The following LYPD6 variants were observed in gnomAD, a reference collection of about 807,000 sequenced individuals.
The protein encoded by LYPD6 is LY6/PLAUR domain containing 6.
Under a neutral mutation model 22.7 loss-of-function variants are expected in LYPD6, and 15 were observed. The observed-to-expected ratio is 0.66, with a 90% CI of 0.44 to 1.02. LYPD6 has a LOEUF of 1.02. LYPD6 is among the 50% of genes least tolerant of loss of function. The pLI is 0.00. For missense variants in LYPD6, 189 were observed against 208.4 expected (o/e 0.91, Z 0.57); for synonymous variants, 72 against 77.5 (o/e 0.93, Z 0.37).
chr2:149,382,059 A>G (rs1482279028), intron 1 of LYPD6, among the ~76,000 whole-genome samples: 1 of 152,162 alleles, frequency 6.6e-6, no homozygotes, highest in Admixed American at 6.5e-5. Flanking sequence ...TTTTTCAGTT[A>G]TAGTCCAGTG....
chr2:149,392,792 G>T (rs1375165221), intron 1 of LYPD6, among the ~76,000 whole-genome samples: 1 of 152,146 alleles, frequency 6.6e-6, no homozygotes, highest in Non-Finnish European at 1.5e-5. Context: ...TTGGGAGGCT[G>T]AGGCGGCCGG....
chr2:149,335,976 T>G (rs1681027305), intron 1 of LYPD6, among the ~76,000 whole-genome samples: 1 of 152,224 alleles, frequency 6.6e-6, no homozygotes, highest in Non-Finnish European at 1.5e-5. Flanking sequence ...GATGGCTCTC[T>G]CAGAACATAT....
At chr2:149,417,095 G>A (rs548016113) in intron 1 of LYPD6, among the ~76,000 whole-genome samples, 1 of 152,282 alleles carries the variant, frequency 6.6e-6, no homozygotes, top group East Asian at 1.9e-4. Context: ...ATAGAACCCA[G>A]CTCATGATGG....
intron 1 of LYPD6, among the ~76,000 whole-genome samples, chr2:149,423,363 C>T (rs375375810): frequency 6.6e-6 from 1 of 152,104 alleles, no homozygotes. Context: ...AATACATTTC[C>T]AGTTCGTGAT....
chr2:149,387,654 A>G (rs1432947063), intron 1 of LYPD6, among the ~76,000 whole-genome samples: 1 of 152,170 alleles, frequency 6.6e-6, no homozygotes, highest in Admixed American at 6.5e-5. Flanking sequence ...TAGAGGGGGA[A>G]TCTGCTTGAG....
chr2:149,378,300 T>C (rs1681977733), intron 1 of LYPD6, among the ~76,000 whole-genome samples: 1 of 152,128 alleles, frequency 6.6e-6, no homozygotes, highest in African/African-American at 2.4e-5. Context: ...GTATTTTTTA[T>C]AGAGACAGAA....
intron 3 of LYPD6, among the ~76,000 whole-genome samples, chr2:149,452,737 A>G (rs1051907177): frequency 6.6e-6 from 1 of 152,214 alleles, no homozygotes; most frequent in Non-Finnish European, 1.5e-5. Flanking sequence ...CCTCAGTCAC[A>G]TGCATGTGCA....
chr2:149,384,885 C>G (rs896523139), intron 1 of LYPD6, among the ~76,000 whole-genome samples: 1 of 128,606 alleles, frequency 7.8e-6, no homozygotes, highest in East Asian at 2.8e-4. Context: ...CCCCCTCCCC[C>G]CACCCCACAA....
chr2:149,407,525 C>T lies in LYPD6; in HGVS notation c.-71-30113C>T, dbSNP rs138218794. ...TACCCTTTCTTCCAGTTGATCGCGTCGGCTCCTGAAGCTTCTGCATTCTTT... is the reference window on the plus strand; with the variant it reads ...TACCCTTTCTTCCAGTTGATCGCGTTGGCTCCTGAAGCTTCTGCATTCTTT... On this transcript the variant is annotated intron_variant, in intron 1 of 4. Coordinates refer to ENST00000334166, the MANE Select transcript of LYPD6 (RefSeq NM_194317.5). Among the ~76,000 whole-genome samples, 963 of 152,302 alleles carry T rather than the reference C, an allele frequency of 6.3e-3. 10 individuals carry two copies. The highest frequency in any genetic ancestry group is 0.022 in the African/African-American group (915 of 41,568).
At chr2:149,410,816 G>A (rs1443143490) in intron 1 of LYPD6, among the ~76,000 whole-genome samples, 1 of 152,142 alleles carries the variant, frequency 6.6e-6, no homozygotes, top group Non-Finnish European at 1.5e-5. Context: ...TAATACATTT[G>A]CATTATGAAG....
intron 1 of LYPD6, among the ~76,000 whole-genome samples, chr2:149,332,468 G>C: frequency 6.6e-6 from 1 of 151,976 alleles, no homozygotes; most frequent in Non-Finnish European, 1.5e-5. Context: ...CATACCATGT[G>C]TTGTATCATA....
intron 1 of LYPD6, among the ~76,000 whole-genome samples, chr2:149,410,947 T>A (rs1267845328): frequency 6.6e-6 from 1 of 152,236 alleles, no homozygotes; most frequent in Non-Finnish European, 1.5e-5. Flanking sequence ...TTCACCATGT[T>A]ACATTTCATT....
At chr2:149,457,347 A>G (rs1024327427) in intron 3 of LYPD6, among the ~76,000 whole-genome samples, 3 of 152,196 alleles carry the variant, frequency 2.0e-5, no homozygotes, top group African/African-American at 7.2e-5. Flanking sequence ...TTAGCTAGAT[A>G]TATTCTTCCT....
chr2:149,453,542 T>C (rs1303498417), intron 3 of LYPD6, among the ~76,000 whole-genome samples: 5 of 152,218 alleles, frequency 3.3e-5, no homozygotes, highest in Non-Finnish European at 7.3e-5. Flanking sequence ...AGGACACATA[T>C]TCTTTTGGCT....
chr2:149,486,204 T>C, the LYPD6 span, among the ~76,000 whole-genome samples: 37 of 152,344 alleles, frequency 2.4e-4, no homozygotes, highest in African/African-American at 7.5e-4. Flanking sequence ...TTAAAACTTA[T>C]AGTTTGAAAA....
At chr2:149,465,149 A>G (rs181764108) in intron 3 of LYPD6, among the ~76,000 whole-genome samples, 6 of 152,304 alleles carry the variant, frequency 3.9e-5, no homozygotes, top group African/African-American at 1.4e-4. Flanking sequence ...CATATTAGGG[A>G]AAGTGTTGAA....
intron 3 of LYPD6, among the ~76,000 whole-genome samples, chr2:149,456,106 A>C (rs1376637610): frequency 6.6e-6 from 1 of 152,250 alleles, no homozygotes; most frequent in Non-Finnish European, 1.5e-5. Flanking sequence ...TGTTAAGAGC[A>C]GAAAAGCCAA....
intron 1 of LYPD6, among the ~76,000 whole-genome samples, chr2:149,408,133 G>T (rs571032591): frequency 2.2e-4 from 33 of 152,160 alleles, no homozygotes; most frequent in Non-Finnish European, 4.1e-4. Flanking sequence ...TGAGTTGTCA[G>T]TCTGCCCCTA....
intron 3 of LYPD6, among the ~76,000 whole-genome samples, chr2:149,456,597 G>C (rs1243037973): frequency 6.6e-6 from 1 of 152,188 alleles, no homozygotes; most frequent in African/African-American, 2.4e-5. Context: ...CCCTGATCCA[G>C]TCTGACAAGC....
Sources: allele counts gnomAD v4.1 joint callset (sites outside exome capture counted in the v4.1 genomes callset), GRCh38; gene constraint gnomAD v4.1.1; transcripts MANE v1.5; gene names NCBI Gene and HGNC (gene_info 2026-07-23, HGNC 2026-07-21).